Variants in CD2AP observed in about 807,000 individuals in gnomAD.
CD2AP encodes the protein CD2 associated protein.
A neutral mutation model predicts 85.1 loss-of-function variants in CD2AP; 46 were observed. That is an observed-to-expected ratio of 0.54 (90% CI 0.43 to 0.69). The LOEUF (loss-of-function observed/expected upper bound fraction) is 0.69. Among genes scored for constraint, CD2AP ranks in the 30% least tolerant of loss-of-function variants. The probability of loss-of-function intolerance (pLI) is 0.00; values close to 1 mark genes in which losing one functional copy is unlikely to be tolerated. For synonymous variants in CD2AP, 255 were observed against 252.9 expected (o/e 1.01, Z -0.08); for missense variants, 769 against 729.5 (o/e 1.05, Z -0.62).
intron 4 of CD2AP, among the ~76,000 whole-genome samples, chr6:47,551,247 G>A (rs1354301641): frequency 2.0e-5 from 3 of 152,118 alleles, no homozygotes. Context: ...ATTTGAAGGA[G>A]TATTAAAGTT....
In CD2AP at chr6:47,574,229, C is replaced by T. The variant is rs752880361; in HGVS notation, c.707C>T (p.Thr236Ile). 5.0e-6 allele frequency: 8 copies of T among 1,613,776 alleles called. No individual in the cohort carries two copies. The South Asian group carries it at 8.8e-5, about 18-fold the overall frequency. Residue 236 changes from threonine (T) to isoleucine (I), a missense_variant, in exon 6 of 18, where the codon ACA becomes ATA. Physicochemically the swap from Thr to Ile is moderately conservative, Grantham distance 89. Coordinates refer to ENST00000359314, the MANE Select transcript of CD2AP (RefSeq NM_012120.3). Reference sequence around the variant, plus strand: ...CGGACAAGAACATCCAGTAGTGAAACAGAAGAGAAAAAACCAGAAAAGGTG... The same window carrying T: ...CGGACAAGAACATCCAGTAGTGAAATAGAAGAGAAAAAACCAGAAAAGGTG... ...KLRTRTSSSE[T>I]EEKKPEKPLI...
At chr6:47,617,364 G>C (rs955091369) in intron 17 of CD2AP, among the ~76,000 whole-genome samples, 1 of 152,116 alleles carries the variant, frequency 6.6e-6, no homozygotes, top group Non-Finnish European at 1.5e-5. Context: ...CTATACTCAT[G>C]AATCTAATGA....
At position 47,558,467 on chromosome 6, in the gene CD2AP, A is replaced by G. The variant is rs144411571; in HGVS notation, c.541+3701A>G. Among the ~76,000 whole-genome samples the G allele has an allele frequency of 4.3e-3, 648 of 152,308 alleles. 5 individuals are homozygous for G. The highest frequency in any genetic ancestry group is 0.015 in the African/African-American group (616 of 41,566). On this transcript the variant is annotated intron_variant, in intron 5 of 17. Coordinates refer to ENST00000359314, the MANE Select transcript of CD2AP (RefSeq NM_012120.3). ...TGATAATGGCTATGACTTTGTCATAAATAGCTCTTATTATATTGAGATATG... is the reference window on the plus strand; with the variant it reads ...TGATAATGGCTATGACTTTGTCATAGATAGCTCTTATTATATTGAGATATG...
intron 17 of CD2AP, among the ~76,000 whole-genome samples, chr6:47,623,417 A>G (rs1769816329): frequency 6.6e-6 from 1 of 152,190 alleles, no homozygotes; most frequent in African/African-American, 2.4e-5. Flanking sequence ...TATAAAAACC[A>G]TGGGCTTTAA....
At chr6:47,560,305 T>A (rs1010480877) in intron 5 of CD2AP, among the ~76,000 whole-genome samples, 6 of 152,180 alleles carry the variant, frequency 3.9e-5, no homozygotes, top group Admixed American at 3.3e-4. Flanking sequence ...AGTACAGTTA[T>A]CAAAATCAAG....
At chr6:47,536,255 A>G (rs746169811) in intron 3 of CD2AP, among the ~76,000 whole-genome samples, 3 of 151,200 alleles carry the variant, frequency 2.0e-5, no homozygotes, top group Non-Finnish European at 4.4e-5. Context: ...TGTTTGGATC[A>G]TATCTCTAAT....
rs1766053220 is a variant in CD2AP at position 47,503,537 on chromosome 6, AT to A, written c.165+98del. Reference sequence around the variant, plus strand: ...TACTTTTAAAATTAAAATGTTTTAGATAAATGTTTTCTTTGTAACATTTAAG... The same window carrying A: ...TACTTTTAAAATTAAAATGTTTTAGAAAATGTTTTCTTTGTAACATTTAAG... On this transcript the variant is annotated intron_variant, in intron 2 of 17. Coordinates refer to ENST00000359314, the MANE Select transcript of CD2AP (RefSeq NM_012120.3). 5.4e-6 allele frequency: 6 copies of A among 1,120,276 alleles called. No individual in the cohort carries two copies. The South Asian group carries it at 6.9e-5, about 13-fold the overall frequency. 69.4% of individuals were successfully genotyped at this position (1,120,276 alleles called of 1,614,324 possible).
At chr6:47,555,238 C>G (rs1488060581) in intron 5 of CD2AP, among the ~76,000 whole-genome samples, 1 of 152,068 alleles carries the variant, frequency 6.6e-6, no homozygotes, top group Non-Finnish European at 1.5e-5. Context: ...AGAGACTCAC[C>G]CACAAATTCT....
intron 1 of CD2AP, among the ~76,000 whole-genome samples, chr6:47,489,793 C>T (rs1370658756): frequency 6.6e-6 from 1 of 152,004 alleles, no homozygotes. Context: ...TAAAACTCGT[C>T]CTCTTAATTA....
At chr6:47,572,515 T>C (rs954127634) in intron 5 of CD2AP, among the ~76,000 whole-genome samples, 14 of 152,214 alleles carry the variant, frequency 9.2e-5, no homozygotes, top group Admixed American at 7.2e-4. Flanking sequence ...ACTATACTTG[T>C]TAGCATTATA....
chr6:47,510,407 G>A (rs904780432), intron 2 of CD2AP, among the ~76,000 whole-genome samples: 3 of 152,120 alleles, frequency 2.0e-5, no homozygotes, highest in Non-Finnish European at 4.4e-5. Flanking sequence ...TTGGAGAAAT[G>A]ACTGATTCTG....
chr6:47,542,810 T>C (rs1178750658), intron 3 of CD2AP, among the ~76,000 whole-genome samples: 2 of 151,844 alleles, frequency 1.3e-5, no homozygotes, highest in Non-Finnish European at 2.9e-5. Context: ...TAGGGGGTGG[T>C]AAGTACAGGG....
chr6:47,626,069 A>G lies in CD2AP; in HGVS notation c.*1842A>G, dbSNP rs1202547367. On this transcript the variant is annotated 3_prime_UTR_variant, in exon 18 of 18. Coordinates refer to ENST00000359314, the MANE Select transcript of CD2AP (RefSeq NM_012120.3). Reference sequence around the variant, plus strand: ...ATTATCCTCCAGCTTTCTCACCTGAAAATCTATTGAAGTGATCCCTGGTCA... The same window carrying G: ...ATTATCCTCCAGCTTTCTCACCTGAGAATCTATTGAAGTGATCCCTGGTCA... The G allele has an allele frequency of 1.3e-5, 2 of 152,078 alleles. No individual in the cohort carries two copies. The highest frequency in any genetic ancestry group is 1.5e-5 in the Non-Finnish European group (1 of 67,820). 9.4% of individuals were successfully genotyped at this position (152,078 alleles called of 1,614,324 possible).
At chr6:47,483,160 A>G (rs1275433068) in intron 1 of CD2AP, among the ~76,000 whole-genome samples, 5 of 152,230 alleles carry the variant, frequency 3.3e-5, no homozygotes, top group African/African-American at 1.2e-4. Flanking sequence ...TCTGACTGCT[A>G]TTCAGATTTA....
chr6:47,510,342 C>T (rs1253657766), intron 2 of CD2AP, among the ~76,000 whole-genome samples: 2 of 152,152 alleles, frequency 1.3e-5, no homozygotes, highest in African/African-American at 4.8e-5. Context: ...GTGAGTACAT[C>T]CAGTGCCCAG....
intron 11 of CD2AP, 23 bp from the exon 12 acceptor site, chr6:47,595,838 T>C (rs768982225): frequency 1.3e-6 from 2 of 1,598,596 alleles, no homozygotes; most frequent in Non-Finnish European, 8.6e-7. Context: ...TGTTAATAAC[T>C]TGTGAAATAT....
chr6:47,568,768 G>A (rs1216777918), intron 5 of CD2AP, among the ~76,000 whole-genome samples: 1 of 107,552 alleles, frequency 9.3e-6, no homozygotes, highest in Non-Finnish European at 2.2e-5. Context: ...ATAAGGAAAC[G>A]ATGGATTTAG....
At chr6:47,546,352 A>G (rs1161643716) in intron 4 of CD2AP, among the ~76,000 whole-genome samples, 1 of 152,176 alleles carries the variant, frequency 6.6e-6, no homozygotes, top group Non-Finnish European at 1.5e-5. Context: ...GTCTGGGATT[A>G]TGTTAAACGA....
intron 4 of CD2AP, among the ~76,000 whole-genome samples, chr6:47,551,472 T>C (rs1025355386): frequency 9.2e-5 from 14 of 152,242 alleles, no homozygotes; most frequent in Admixed American, 2.6e-4. Context: ...GCTTATGTTA[T>C]GGTTGAAGCA....
Sources: allele counts gnomAD v4.1 joint callset (sites outside exome capture counted in the v4.1 genomes callset), GRCh38; gene constraint gnomAD v4.1.1; transcripts MANE v1.5; gene names NCBI Gene and HGNC (gene_info 2026-07-23, HGNC 2026-07-21).